Variants in PEAK1 observed in about 807,000 individuals in gnomAD.
PEAK1 encodes inactive tyrosine-protein kinase PEAK1.
A neutral mutation model predicts 124.7 loss-of-function variants in PEAK1; 54 were observed. That is an observed-to-expected ratio of 0.43 (90% CI 0.35 to 0.54). PEAK1 has a LOEUF of 0.54. PEAK1 is among the 20% of genes least tolerant of loss of function. The pLI is 0.01. For missense variants in PEAK1, 2,046 were observed against 2,134.5 expected (o/e 0.96, Z 0.82); for synonymous variants, 719 against 760.0 (o/e 0.95, Z 0.89).
chr15:77,287,118 G>C (rs2062969867), intron 2 of PEAK1, among the ~76,000 whole-genome samples: 1 of 152,176 alleles, frequency 6.6e-6, no homozygotes, highest in Non-Finnish European at 1.5e-5. Context: ...TAGTGACCCA[G>C]AGAGATGAAA....
chr15:77,281,749 T>C (rs1465959943), intron 5 of PEAK1, among the ~76,000 whole-genome samples: 3 of 152,160 alleles, frequency 2.0e-5, no homozygotes, highest in African/African-American at 7.2e-5. Flanking sequence ...AAAATAAACG[T>C]GGCATACATA....
chr15:77,331,897 T>C (rs1295610860), intron 2 of PEAK1, among the ~76,000 whole-genome samples: 2 of 151,818 alleles, frequency 1.3e-5, no homozygotes, highest in Non-Finnish European at 2.9e-5. Context: ...ATTACAGGCA[T>C]AAGCCACTGT....
At chr15:77,190,562 T>G (rs536751827) in intron 6 of PEAK1, among the ~76,000 whole-genome samples, 18 of 152,350 alleles carry the variant, frequency 1.2e-4, no homozygotes, top group Non-Finnish European at 2.6e-4. Context: ...CCATATTAAC[T>G]AAGCACAGCA....
At chr15:77,187,219 T>C (rs2057590695) in intron 6 of PEAK1, among the ~76,000 whole-genome samples, 1 of 152,212 alleles carries the variant, frequency 6.6e-6, no homozygotes, top group South Asian at 2.1e-4. Flanking sequence ...TTCCATGATC[T>C]AAAATCCTAT....
At chr15:77,219,393 T>G (rs766374637) in intron 6 of PEAK1, among the ~76,000 whole-genome samples, 2 of 152,314 alleles carry the variant, frequency 1.3e-5, no homozygotes, top group Admixed American at 1.3e-4. Context: ...GTGAGGGCTA[T>G]TATACAAGCA....
chr15:77,212,410 T>C (rs762978515), intron 6 of PEAK1, among the ~76,000 whole-genome samples: 1 of 152,190 alleles, frequency 6.6e-6, no homozygotes, highest in Non-Finnish European at 1.5e-5. Flanking sequence ...AATAAAAAAT[T>C]AGCCTTGCTT....
Position 77,272,421 on chromosome 15 carries a change from T to C in PEAK1, c.-275+11462A>G, listed in dbSNP as rs180707635. ...CAAATAAGCTCAATTAGAAACAAAA[T>C]GGGAGATATAACAGCCAATACCAAA... is the stretch of plus-strand genomic sequence containing the variant. On this transcript the variant is annotated intron_variant, in intron 5 of 9. Transcript: ENST00000682557. 9.7e-4 allele frequency among the ~76,000 whole-genome samples: 147 copies of C among 152,024 alleles called. 2 individuals carry two copies. Among genetic ancestry groups the C allele is most frequent in the African/African-American group, 3.4e-3 (141 of 41,504 alleles).
chr15:77,226,086 T>TC (rs2059660813), intron 6 of PEAK1, among the ~76,000 whole-genome samples: 1 of 135,374 alleles, frequency 7.4e-6, no homozygotes, highest in Non-Finnish European at 1.6e-5. Flanking sequence ...TATATATATA[T>TC]ATTACACACA....
intron 2 of PEAK1, among the ~76,000 whole-genome samples, chr15:77,363,231 A>G (rs896862503): frequency 1.3e-5 from 2 of 152,046 alleles, no homozygotes; most frequent in African/African-American, 4.8e-5. Context: ...CCCTCCCCAC[A>G]CCAGATTTGG....
intron 2 of PEAK1, among the ~76,000 whole-genome samples, chr15:77,324,950 C>T (rs77092101): frequency 0.011 from 1,634 of 152,234 alleles, 17 homozygotes; most frequent in Non-Finnish European, 0.017. Context: ...ATCAGACCCA[C>T]AATCCATGTA....
chr15:77,153,943 G>GA (rs1416012900), intron 8 of PEAK1, among the ~76,000 whole-genome samples: 1 of 152,088 alleles, frequency 6.6e-6, no homozygotes, highest in Non-Finnish European at 1.5e-5. Flanking sequence ...GTGTGGTGCT[G>GA]AAAAAAATGT....
intron 9 of PEAK1, among the ~76,000 whole-genome samples, chr15:77,123,316 A>G (rs946758402): frequency 2.0e-5 from 3 of 152,200 alleles, no homozygotes; most frequent in Admixed American, 6.5e-5. Flanking sequence ...AAATGATCTC[A>G]TAAGTGCAAT....
chr15:77,415,665 G>C lies in PEAK1; in HGVS notation c.-666+4341C>G, dbSNP rs556611714. ...GTCATCAACTCTTCCTTCCTGCCCT[G>C]TCAGTTACAAACTTATTTACATTGC... On this transcript the variant is annotated intron_variant, in intron 1 of 9. Coordinates refer to ENST00000682557, the MANE Select transcript of PEAK1 (RefSeq NM_001385026.1). Among the ~76,000 whole-genome samples, 19 of 152,268 alleles carry C rather than the reference G, an allele frequency of 1.2e-4. No individual in the cohort carries two copies. In the East Asian group the frequency reaches 3.7e-3, roughly 29 times the overall value.
chr15:77,116,031 A>G (rs117849766), intron 9 of PEAK1, among the ~76,000 whole-genome samples: 2,266 of 152,258 alleles, frequency 0.015, 30 homozygotes, highest in Middle Eastern at 0.034. Flanking sequence ...TTTAATACCC[A>G]CTATTGAGGC....
At chr15:77,161,776 G>A (rs1229629254) in intron 7 of PEAK1, among the ~76,000 whole-genome samples, 2 of 151,970 alleles carry the variant, frequency 1.3e-5, no homozygotes, top group Admixed American at 1.3e-4. Flanking sequence ...CACCAGCCTG[G>A]CCAAGATGGT....
intron 2 of PEAK1, among the ~76,000 whole-genome samples, chr15:77,341,314 A>T (rs968424841): frequency 7.9e-5 from 12 of 152,044 alleles, no homozygotes; most frequent in African/African-American, 2.7e-4. Flanking sequence ...AGCCTGGCCA[A>T]CATGGTGAAA....
At position 77,180,478 on chromosome 15, in the gene PEAK1, G is replaced by A; in HGVS notation, c.1449C>T (p.Ala483=). Residue 483 remains alanine (A), a synonymous_variant, in exon 7 of 10, where the codon GCC becomes GCT. Coordinates refer to ENST00000682557, the MANE Select transcript of PEAK1 (RefSeq NM_001385026.1). ...GGCCCTCGAGGTGCTCACTGGCCAT[G>A]GCTGCTGACACATCCACGACAGTAT... ...KPYTVVDVSA[A]MASEHLEGPV... 1.2e-6 allele frequency: 2 copies of A among 1,614,138 alleles called. No homozygotes were observed. The highest frequency in any genetic ancestry group is 1.7e-5 in the Admixed American group (1 of 60,018).
At chr15:77,153,425 CA>C (rs1029177988) in intron 8 of PEAK1, among the ~76,000 whole-genome samples, 2 of 151,830 alleles carry the variant, frequency 1.3e-5, no homozygotes, top group African/African-American at 2.4e-5. Context: ...TTGATCTTTT[CA>C]AAAAAACAGT....
intron 1 of PEAK1, among the ~76,000 whole-genome samples, chr15:77,379,146 G>T (rs930844583): frequency 6.6e-6 from 1 of 152,182 alleles, no homozygotes; most frequent in African/African-American, 2.4e-5. Context: ...CCTACAAATA[G>T]TGCTGAAAAT....
Sources: gnomAD v4.1 joint callset for allele counts (sites outside exome capture counted in the v4.1 genomes callset) on GRCh38, gnomAD v4.1.1 for gene constraint, MANE v1.5 for transcripts, NCBI Gene and HGNC (gene_info 2026-07-23, HGNC 2026-07-21) for gene names.